The following CFAP91 variants were observed in gnomAD, a reference collection of about 807,000 sequenced individuals.
CFAP91 encodes cilia- and flagella-associated protein 91.
A neutral mutation model predicts 95.9 loss-of-function variants in CFAP91; 85 were observed. The observed-to-expected ratio is 0.89, with a 90% CI of 0.74 to 1.06. CFAP91 has a LOEUF of 1.06. Among genes scored for constraint, CFAP91 ranks in the 50% least tolerant of loss-of-function variants. The pLI is 0.00. For synonymous variants in CFAP91, 335 were observed against 327.5 expected (o/e 1.02, Z -0.25); for missense variants, 962 against 943.4 (o/e 1.02, Z -0.26).
chr3:119,747,945 G>A lies in CFAP91; in HGVS notation c.2143+43G>A, dbSNP rs769547719. 6.3e-6 allele frequency: 9 copies of A among 1,438,444 alleles called. No homozygotes were observed. The South Asian group carries it at 9.6e-5, about 15-fold the overall frequency. 89.1% of individuals were successfully genotyped at this position (1,438,444 alleles called of 1,614,324 possible). ...CTTTACTTTAGGATTTTTTAAAGAT[G>A]TAAATTATTTTCAATATCCCAGAGA... On this transcript the variant is annotated intron_variant, in intron 16 of 17. Coordinates refer to ENST00000273390, the MANE Select transcript of CFAP91 (RefSeq NM_033364.4).
intron 6 of CFAP91, 111 bp downstream of exon 6, chr3:119,715,854 G>A (rs2053564728): frequency 1.1e-6 from 1 of 936,536 alleles, no homozygotes; most frequent in Non-Finnish European, 1.7e-6. Context: ...GCTATATAAA[G>A]TGTCTTAGTA....
chr3:119,752,411 A>G (rs1488158306), intron 17 of CFAP91: 1 of 152,174 alleles, frequency 6.6e-6, no homozygotes, highest in East Asian at 1.9e-4. Flanking sequence ...CTAATAAGTG[A>G]CTCTTAAATA....
chr3:119,752,048 C>G (rs1174367914), intron 17 of CFAP91, among the ~76,000 whole-genome samples: 1 of 152,098 alleles, frequency 6.6e-6, no homozygotes, highest in Non-Finnish European at 1.5e-5. Context: ...GAGAATAGAG[C>G]TAGGGAGTCA....
intron 7 of CFAP91, among the ~76,000 whole-genome samples, chr3:119,729,859 C>A (rs188970890): frequency 3.3e-5 from 5 of 152,282 alleles, no homozygotes; most frequent in African/African-American, 1.2e-4. Flanking sequence ...CGCATTTCCT[C>A]TTCACTCCCC....
rs746661378 is a variant in CFAP91, at chr3:119,703,236, C to T, written c.124+14C>T. 9.3e-6 allele frequency: 15 copies of T among 1,611,058 alleles called. 1 individual carries two copies. The South Asian group carries it at 1.5e-4, about 17-fold the overall frequency. On this transcript the variant is annotated intron_variant, in intron 1 of 17. Transcript: ENST00000273390. The stretch of plus-strand genomic sequence containing the variant: ...ATTTTCTGTACGGTAAGGACCGCCG[C>T]AGACCTTCCTCCGCGTCCGTCGCCT...
At chr3:119,754,695 C>T (rs933279813) in intron 17 of CFAP91, among the ~76,000 whole-genome samples, 1 of 152,224 alleles carries the variant, frequency 6.6e-6, no homozygotes, top group African/African-American at 2.4e-5. Context: ...GTCCCAGTTT[C>T]AACAGCCAGG....
rs761369796 is a variant in CFAP91 at position 119,747,186 on chromosome 3, T to C, written c.1974T>C (p.Thr658=). The C allele has an allele frequency of 3.7e-6, 6 of 1,613,912 alleles. No homozygotes were observed. Among genetic ancestry groups the C allele is most frequent in the Non-Finnish European group, 5.1e-6 (6 of 1,179,864 alleles). The change falls in exon 15 of 18, where the codon ACT becomes ACC. Residue 658 remains threonine (T), a synonymous_variant. Transcript: ENST00000273390. The part of the protein sequence containing the change: ...EDIILNTEAN[T]AEEQARAEIE... Reference sequence around the variant, plus strand: ...TAATACTGAATACCGAAGCGAATACTGCAGAAGAACAAGCCAGGGCAGAAA... The same window carrying C: ...TAATACTGAATACCGAAGCGAATACCGCAGAAGAACAAGCCAGGGCAGAAA...
Position 119,762,940 on chromosome 3 carries a change from A to C in CFAP91, c.*2-2112A>C, listed in dbSNP as rs72965023. Among the ~76,000 whole-genome samples, 354 of 152,236 alleles carry C rather than the reference A, an allele frequency of 2.3e-3. 3 individuals are homozygous for C. The highest frequency in any genetic ancestry group is 8.2e-3 in the African/African-American group (341 of 41,568). On this transcript the variant is annotated intron_variant, in intron 17 of 17. Transcript: ENST00000273390. ...GATCTTTTGGATATGACTCAAAAGC[A>C]CAGGCAACAAAAGTGAAAATAGACA... is the stretch of plus-strand genomic sequence containing the variant.
rs367626058 is a variant in CFAP91, at chr3:119,740,656, C to T, written c.1641C>T (p.Thr547=). The T allele has an allele frequency of 2.5e-6, 4 of 1,614,158 alleles. No homozygotes were observed. The highest frequency in any genetic ancestry group is 3.4e-6 in the Non-Finnish European group (4 of 1,180,030). Residue 547 remains threonine (T), a synonymous_variant, in exon 13 of 18, where the codon ACC becomes ACT. Coordinates refer to ENST00000273390, the MANE Select transcript of CFAP91 (RefSeq NM_033364.4). Reference sequence around the variant, plus strand: ...TGAAAAAAGCCGAGAAGCAAGTGACCCTGGCCTTACAGCGGCAGAGGAACT... The same window carrying T: ...TGAAAAAAGCCGAGAAGCAAGTGACTCTGGCCTTACAGCGGCAGAGGAACT... ...KLVKKAEKQV[T]LALQRQRNLH... is the part of the protein sequence containing the mutation.
At chr3:119,725,093 A>T (rs1250205530) in intron 6 of CFAP91, among the ~76,000 whole-genome samples, 1 of 152,272 alleles carries the variant, frequency 6.6e-6, no homozygotes, top group Non-Finnish European at 1.5e-5. Flanking sequence ...TTATATTTTT[A>T]AATGAAAATA....
At chr3:119,733,111 T>C (rs1040493534) in intron 9 of CFAP91, among the ~76,000 whole-genome samples, 1 of 152,240 alleles carries the variant, frequency 6.6e-6, no homozygotes, top group African/African-American at 2.4e-5. Flanking sequence ...GTGGAATTGC[T>C]ACTTTTTTGT....
chr3:119,762,018 G>C (rs987350051), intron 17 of CFAP91, among the ~76,000 whole-genome samples: 1 of 151,868 alleles, frequency 6.6e-6, no homozygotes, highest in African/African-American at 2.4e-5. Flanking sequence ...AGAAATAAAA[G>C]GCACCCAAAT....
intron 17 of CFAP91, among the ~76,000 whole-genome samples, chr3:119,751,874 C>G (rs183924050): frequency 4.0e-4 from 61 of 152,194 alleles, no homozygotes; most frequent in Non-Finnish European, 7.6e-4. Context: ...ATGGATTTGC[C>G]CAGCTACAAA....
intron 6 of CFAP91, among the ~76,000 whole-genome samples, chr3:119,718,758 G>A (rs1016296926): frequency 6.6e-6 from 1 of 152,232 alleles, no homozygotes; most frequent in African/African-American, 2.4e-5. Context: ...CTTTTACCAG[G>A]CAAACTATTA....
Position 119,739,322 on chromosome 3 carries a change from A to G in CFAP91, c.1529A>G (p.Asn510Ser), listed in dbSNP as rs1173468843. Residue 510 changes from asparagine to serine, a missense_variant, in exon 12 of 18, where the codon AAC becomes AGC. Asn to Ser is a conservative substitution (Grantham distance 46). Coordinates refer to ENST00000273390, the MANE Select transcript of CFAP91 (RefSeq NM_033364.4). ...QKLLRGRVVQ[N>S]MMFEGKEKRL... ...TTACTCCGGGGCAGAGTCGTTCAGA[A>G]CATGGTGTGTAGGTCCAACCGCTGG... 3 of 1,614,126 alleles carry G rather than the reference A, an allele frequency of 1.9e-6. No homozygotes were observed. Among genetic ancestry groups the G allele is most frequent in the Non-Finnish European group, 2.5e-6 (3 of 1,179,940 alleles).
At chr3:119,704,078 C>G (rs2053312261) in intron 1 of CFAP91, among the ~76,000 whole-genome samples, 1 of 152,160 alleles carries the variant, frequency 6.6e-6, no homozygotes, top group African/African-American at 2.4e-5. Context: ...TAGATAGAGG[C>G]TGTGTAATGA....
At chr3:119,722,036 GGTGGTGCACACCT>G (rs2053694735) in intron 6 of CFAP91, among the ~76,000 whole-genome samples, 1 of 151,958 alleles carries the variant, frequency 6.6e-6, no homozygotes, top group South Asian at 2.1e-4. Context: ...AGCCAAGTGT[GGTGGTGCACACCT>G]GTGGTCCTAG....
intron 6 of CFAP91, 51 bp downstream of exon 6, chr3:119,715,794 C>T (rs765613962): frequency 1.6e-5 from 25 of 1,534,308 alleles, no homozygotes; most frequent in Admixed American, 8.4e-5. Flanking sequence ...CTGATAACCA[C>T]GCATGCTGTT....
chr3:119,707,489 T>C lies in CFAP91; in HGVS notation c.287T>C (p.Val96Ala). 1 of 1,598,710 alleles carries C rather than the reference T, an allele frequency of 6.3e-7. No individual in the cohort carries two copies. Among genetic ancestry groups the C allele is most frequent in the Non-Finnish European group, 8.6e-7 (1 of 1,169,424 alleles). ...YSLYWSKSDP[V>A]PPFISREWKG... ...CTATATTGGAGCAAGTCAGATCCTG[T>C]CCCACCATTTATCAGTCGGGAATGG... Residue 96 changes from valine to alanine, a missense_variant, in exon 3 of 18, where the codon GTC becomes GCC. Physicochemically the swap from Val to Ala is moderately conservative, Grantham distance 64. Coordinates refer to ENST00000273390, the MANE Select transcript of CFAP91 (RefSeq NM_033364.4).
Sources: gnomAD v4.1 joint callset for allele counts (sites outside exome capture counted in the v4.1 genomes callset) on GRCh38, gnomAD v4.1.1 for gene constraint, MANE v1.5 for transcripts, NCBI Gene and HGNC (gene_info 2026-07-23, HGNC 2026-07-21) for gene names.